The following CBFA2T2 variants were observed in gnomAD, a reference collection of about 807,000 sequenced individuals.
CBFA2T2 encodes CBFA2/RUNX1 partner transcriptional co-repressor 2, also known as protein CBFA2T2.
In CBFA2T2, 11 loss-of-function variants were observed where a neutral mutation model predicts 62.2. That is an observed-to-expected ratio of 0.18 (90% CI 0.11 to 0.29). The LOEUF (loss-of-function observed/expected upper bound fraction) is 0.29. CBFA2T2 is among the 10% of genes least tolerant of loss of function. The pLI is 1.00. For synonymous variants in CBFA2T2, 295 were observed against 287.5 expected, an observed-to-expected ratio of 1.03 and a Z score of -0.27; for missense variants, 592 against 774.1, an observed-to-expected ratio of 0.76 and a Z score of 2.79.
rs1466241710 is a variant in CBFA2T2, at chr20:33,575,536, T to C, written c.35-31420T>C. 3.3e-5 allele frequency among the ~76,000 whole-genome samples: 5 copies of C among 152,342 alleles called. No individual in the cohort carries two copies. The East Asian group carries it at 7.7e-4, about 24-fold the overall frequency. On this transcript the variant is annotated intron_variant, in intron 1 of 10. Transcript: ENST00000342704. ...AAGTTCTGTCTTAATAGAAAAGATA[T>C]AGAAACCTTTCTGTACTGTATTGCA...
intron 1 of CBFA2T2, among the ~76,000 whole-genome samples, chr20:33,501,808 T>C (rs2011288056): frequency 6.6e-6 from 1 of 151,566 alleles, no homozygotes; most frequent in Non-Finnish European, 1.5e-5. Context: ...CCCAGCTAAT[T>C]TTTGTATTTT....
At chr20:33,572,301 G>A (rs1350688286) in intron 1 of CBFA2T2, among the ~76,000 whole-genome samples, 1 of 152,200 alleles carries the variant, frequency 6.6e-6, no homozygotes, top group Non-Finnish European at 1.5e-5. Flanking sequence ...ATAAGGGAGT[G>A]TAATGTTTCC....
At chr20:33,535,063 A>G (rs904364268) in intron 1 of CBFA2T2, among the ~76,000 whole-genome samples, 211 of 152,338 alleles carry the variant, frequency 1.4e-3, no homozygotes, top group African/African-American at 4.8e-3. Context: ...TGTGAAGTAC[A>G]ATAAAGTGAA....
chr20:33,582,150 A>C (rs950150298), intron 1 of CBFA2T2, among the ~76,000 whole-genome samples: 1 of 152,112 alleles, frequency 6.6e-6, no homozygotes, highest in Admixed American at 6.6e-5. Context: ...TGTGTCCCAA[A>C]CACTTAGTAC....
rs1027742609 is a variant in CBFA2T2 at position 33,595,545 on chromosome 20, A to AT, written c.35-11401dup. ...ATACGGTACTTGTTTTTTAATTTTC[A>AT]TTTTTTTTTTAATTTATTTTTTTTG... On this transcript the variant is annotated intron_variant, in intron 1 of 10. Coordinates refer to ENST00000342704, the MANE Select transcript of CBFA2T2 (RefSeq NM_001032999.3). 2.6e-4 allele frequency among the ~76,000 whole-genome samples: 36 copies of AT among 140,664 alleles called. 1 individual carries two copies. The highest frequency in any genetic ancestry group is 9.4e-4 in the Admixed American group (13 of 13,786). 92.3% of individuals were successfully genotyped at this position (140,664 alleles called of 152,430 possible).
chr20:33,590,905 T>C (rs1417838299), intron 1 of CBFA2T2, among the ~76,000 whole-genome samples: 3 of 152,124 alleles, frequency 2.0e-5, no homozygotes, highest in Non-Finnish European at 4.4e-5. Context: ...GCAGGTGCAG[T>C]GGCTCTCGCT....
At chr20:33,513,739 G>A (rs557686819) in intron 1 of CBFA2T2, among the ~76,000 whole-genome samples, 13 of 149,344 alleles carry the variant, frequency 8.7e-5, no homozygotes, top group South Asian at 4.3e-4. Context: ...GCTTGAACCC[G>A]GGAGGAAGAG....
intron 1 of CBFA2T2, among the ~76,000 whole-genome samples, chr20:33,556,723 C>G (rs1397301104): frequency 6.6e-6 from 1 of 152,102 alleles, no homozygotes; most frequent in Non-Finnish European, 1.5e-5. Context: ...GCATGAGCAG[C>G]TGCACCCTAC....
At chr20:33,618,503 A>T (rs1261364630) in intron 3 of CBFA2T2, 1 of 152,222 alleles carries the variant, frequency 6.6e-6, no homozygotes, top group Non-Finnish European at 1.5e-5. Context: ...GAAAACACAG[A>T]GGACGTCCAC....
At chr20:33,533,400 C>A (rs926977217) in intron 1 of CBFA2T2, among the ~76,000 whole-genome samples, 3 of 152,176 alleles carry the variant, frequency 2.0e-5, no homozygotes, top group African/African-American at 7.2e-5. Flanking sequence ...TGAAATCATA[C>A]AATATGCACT....
At chr20:33,530,846 C>T (rs1312962898) in intron 1 of CBFA2T2, among the ~76,000 whole-genome samples, 2 of 152,018 alleles carry the variant, frequency 1.3e-5, no homozygotes, top group Non-Finnish European at 1.5e-5. Context: ...TTTGGGAGGC[C>T]GAGGCGGGCG....
chr20:33,620,156 A>C (rs151139289), intron 4 of CBFA2T2, among the ~76,000 whole-genome samples: 1 of 152,176 alleles, frequency 6.6e-6, no homozygotes, highest in African/African-American at 2.4e-5. Flanking sequence ...TCATGCTTAC[A>C]TGATAAATGA....
chr20:33,587,537 A>G (rs1210789627), intron 1 of CBFA2T2, among the ~76,000 whole-genome samples: 1 of 152,100 alleles, frequency 6.6e-6, no homozygotes, highest in African/African-American at 2.4e-5. Context: ...AAGGGCTGGG[A>G]TTACAGGCGT....
chr20:33,500,789 G>A (rs906146121), intron 1 of CBFA2T2, among the ~76,000 whole-genome samples: 2 of 152,164 alleles, frequency 1.3e-5, no homozygotes, highest in African/African-American at 4.8e-5. Context: ...ATGAGACCTT[G>A]TTCAGGGGTA....
intron 3 of CBFA2T2, among the ~76,000 whole-genome samples, chr20:33,614,612 A>G (rs1261048034): frequency 2.0e-5 from 3 of 152,102 alleles, no homozygotes; most frequent in Non-Finnish European, 4.4e-5. Context: ...TTCTGTCCCT[A>G]TGGATTTAAC....
At chr20:33,619,372 G>A (rs2015844755) in intron 3 of CBFA2T2, 145 bp from the exon 4 acceptor site, 3 of 459,772 alleles carry the variant, frequency 6.5e-6, no homozygotes, top group Non-Finnish European at 7.4e-6. Context: ...GCGCCACTGC[G>A]CTCTGGCCTG....
rs140954585 is a variant in CBFA2T2 at position 33,636,036 on chromosome 20, C to T, written c.1229-604C>T. The stretch of plus-strand genomic sequence containing the variant: ...GTTTTATTTTGAAATTTCCGAAACA[C>T]GTAGAAATTTTGAAAGAGACCACCC... On this transcript the variant is annotated intron_variant, in intron 8 of 10. Transcript: ENST00000342704. 2.4e-4 allele frequency among the ~76,000 whole-genome samples: 37 copies of T among 152,020 alleles called. No homozygotes were observed. In the East Asian group the frequency reaches 5.2e-3, roughly 21 times the overall value.
chr20:33,609,138 A>G (rs1009150175), intron 2 of CBFA2T2, among the ~76,000 whole-genome samples: 4 of 152,184 alleles, frequency 2.6e-5, no homozygotes, highest in African/African-American at 7.2e-5. Context: ...TAATTAAAGT[A>G]TGCACATATG....
At chr20:33,576,853 A>G (rs2013851190) in intron 1 of CBFA2T2, among the ~76,000 whole-genome samples, 1 of 152,396 alleles carries the variant, frequency 6.6e-6, no homozygotes, top group Non-Finnish European at 1.5e-5. Context: ...TTCCAAGTGT[A>G]TAAGTGTGCT....
Sources: allele counts gnomAD v4.1 joint callset (sites outside exome capture counted in the v4.1 genomes callset), GRCh38; gene constraint gnomAD v4.1.1; transcripts MANE v1.5; gene names NCBI Gene and HGNC (gene_info 2026-07-23, HGNC 2026-07-21).